SLC49A3: variants seen among roughly 807,000 people sequenced by gnomAD.
SLC49A3 encodes the protein solute carrier family 49 member 3.
SLC49A3 carries 50 observed loss-of-function variants against 43.8 expected under a neutral mutation model. The observed-to-expected ratio is 1.14, with a 90% CI of 0.91 to 1.45. The LOEUF (loss-of-function observed/expected upper bound fraction) is 1.45, where lower values mean the gene tolerates loss of function less well. Among genes scored for constraint, SLC49A3 ranks in the 40% most tolerant of loss-of-function variants. The pLI is 0.00. For synonymous variants in SLC49A3, 413 were observed against 352.0 expected, an observed-to-expected ratio of 1.17 and a Z score of -1.94; for missense variants, 906 against 774.1, an observed-to-expected ratio of 1.17 and a Z score of -2.02.
rs764718296 is a variant in SLC49A3, at chr4:684,790, C to T, written c.652G>A (p.Val218Met). The change falls in exon 5 of 10, where the codon GTG becomes ATG. Residue 218 changes from valine (V) to methionine (M), a missense_variant. By Grantham distance (21) the Val-to-Met change is conservative (BLOSUM62 1). Transcript: ENST00000322224. ...LLSTICLWES[V>M]PPTPPSAGAA... is the part of the protein sequence containing the mutation. ...CCGGCAGAGGGCGGGGTGGGGGGCACACTCTCCCACAGGCAGATGGTGGAC... is the reference window on the plus strand; with the variant it reads ...CCGGCAGAGGGCGGGGTGGGGGGCATACTCTCCCACAGGCAGATGGTGGAC... 1.2e-6 allele frequency: 2 copies of T among 1,612,392 alleles called. No homozygotes were observed. Among genetic ancestry groups the T allele is most frequent in the South Asian group, 2.2e-5 (2 of 91,084 alleles).
At chr4:678,778 T>A, downstream of SLC49A3, 10 of 1,608,320 alleles carry the variant, frequency 6.2e-6, no homozygotes, top group Non-Finnish European at 8.5e-6. Flanking sequence ...GAGACTTTCC[T>A]GCTTCACTGG....
In SLC49A3 at chr4:682,431, G is replaced by C. The variant is rs901120163; in HGVS notation, c.1262-55C>G. On this transcript the variant is annotated intron_variant, in intron 9 of 9. Transcript: ENST00000322224. Reference sequence around the variant, plus strand: ...AGCCAAGCCCAGGGGCCACAGATGGGCAGAGCCCAATGCTGGCCTATGGTG... The same window carrying C: ...AGCCAAGCCCAGGGGCCACAGATGGCCAGAGCCCAATGCTGGCCTATGGTG... 6.9e-6 allele frequency: 9 copies of C among 1,310,334 alleles called. No homozygotes were observed. The South Asian group carries it at 2.6e-4, about 38-fold the overall frequency. 81.2% of individuals were successfully genotyped at this position (1,310,334 alleles called of 1,614,324 possible).
upstream of SLC49A3, among the ~76,000 whole-genome samples, chr4:690,295 C>T (rs949522228): frequency 1.3e-5 from 2 of 151,956 alleles, no homozygotes; most frequent in African/African-American, 2.4e-5. Context: ...TGGGTGGGCC[C>T]CAAGGGGGTT....
At chr4:684,357 C>T in intron 6 of SLC49A3, 126 bp downstream of exon 6, 1 of 1,340,976 alleles carries the variant, frequency 7.5e-7, no homozygotes, top group South Asian at 1.3e-5. Context: ...GGGCCCACAG[C>T]ACAGAAGGGT....
chr4:678,468 C>T (rs1367702463), downstream of SLC49A3: 3 of 1,432,858 alleles, frequency 2.1e-6, no homozygotes, highest in South Asian at 1.5e-5. Context: ...AGCCAGACAC[C>T]TGCAGCCGTC....
downstream of SLC49A3, chr4:678,994 A>G (rs1467347205): frequency 6.2e-7 from 1 of 1,613,818 alleles, no homozygotes; most frequent in Admixed American, 1.7e-5. Context: ...AGATGGCTTC[A>G]TTGACAAGGA....
chr4:687,864 C>T (rs908907440), intron 1 of SLC49A3: 3 of 152,248 alleles, frequency 2.0e-5, no homozygotes, highest in African/African-American at 4.8e-5. Context: ...AGATGAGTAA[C>T]CTCCAGCCTC....
chr4:687,587 C>T (rs180741568), intron 1 of SLC49A3, among the ~76,000 whole-genome samples: 2 of 152,362 alleles, frequency 1.3e-5, no homozygotes, highest in Admixed American at 1.3e-4. Context: ...TCAGCCCTGT[C>T]CTGGTTCCTC....
At chr4:683,906 T>A in intron 6 of SLC49A3, 145 bp from the exon 7 acceptor site, 1 of 1,090,674 alleles carries the variant, frequency 9.2e-7, no homozygotes, top group Non-Finnish European at 1.3e-6. Context: ...CACCGCTGGC[T>A]GCCTGCGGGG....
downstream of SLC49A3, chr4:681,056 G>A (rs1400268758): frequency 3.8e-6 from 6 of 1,570,532 alleles, no homozygotes; most frequent in Non-Finnish European, 5.2e-6. Context: ...CTGCACCCCC[G>A]CATCAGCCCG....
At position 682,644 on chromosome 4, in the gene SLC49A3, C is replaced by T. The variant is rs563370616; in HGVS notation, c.1261+137G>A. 2.3e-5 allele frequency: 16 copies of T among 687,290 alleles called. No individual in the cohort carries two copies. In the East Asian group the frequency reaches 3.1e-4, roughly 13 times the overall value. 42.6% of individuals were successfully genotyped at this position (687,290 alleles called of 1,614,324 possible). A position where few individuals can be genotyped will look rare whatever the true frequency, so the allele number is the denominator to read the frequency against. On this transcript the variant is annotated intron_variant, in intron 9 of 9. Coordinates refer to ENST00000322224, the MANE Select transcript of SLC49A3 (RefSeq NM_032219.4). ...GTCCTGGCTCACCTGTCCTATTGCCCGGGGACTCCCTGCGTGGTGCTCACC... is the reference window on the plus strand; with the variant it reads ...GTCCTGGCTCACCTGTCCTATTGCCTGGGGACTCCCTGCGTGGTGCTCACC...
rs1295864340 is a variant in SLC49A3 at position 681,969 on chromosome 4, C to T, written c.1669G>A (p.Val557Met). Residue 557 changes from valine to methionine, a missense_variant, in exon 10 of 10, where the codon GTG becomes ATG. Coordinates refer to ENST00000322224, the MANE Select transcript of SLC49A3 (RefSeq NM_032219.4). ...GSHSSFSSPW[V>M]IT is the part of the protein sequence containing the mutation. The stretch of plus-strand genomic sequence containing the variant: ...TACAAGGCGCTCAGCTACGTGATCA[C>T]CCACGGGGAGGAGAAGGAGGAGTGA... The T allele has an allele frequency of 6.5e-6, 9 of 1,393,484 alleles. No homozygotes were observed. The highest frequency in any genetic ancestry group is 4.5e-5 in the African/African-American group (3 of 67,032). 86.3% of individuals were successfully genotyped at this position (1,393,484 alleles called of 1,614,324 possible). A position where few individuals can be genotyped will look rare whatever the true frequency, so the allele number is the denominator to read the frequency against.
chr4:678,826 C>T, downstream of SLC49A3: 2 of 1,607,616 alleles, frequency 1.2e-6, no homozygotes, highest in Non-Finnish European at 1.7e-6. Flanking sequence ...GGGAAGACCC[C>T]ATGTGGGCTG....
rs745360855 is a variant in SLC49A3, at chr4:685,363, C to T, written c.585+472G>A. ...TGGGCACAGGAACAGAGACACGCAC[C>T]GCACACACCACACACACTCAATACA... On this transcript the variant is annotated intron_variant, in intron 4 of 9. Coordinates refer to ENST00000322224, the MANE Select transcript of SLC49A3 (RefSeq NM_032219.4). This position sits in a 1 kb window ranked among gnomAD's most constrained non-coding sequence, Gnocchi z 4.3. 2.0e-5 allele frequency among the ~76,000 whole-genome samples: 3 copies of T among 151,778 alleles called. No homozygotes were observed. The highest frequency in any genetic ancestry group is 4.4e-5 in the Non-Finnish European group (3 of 67,920).
At position 688,782 on chromosome 4, in the gene SLC49A3, C is replaced by CG. The variant is rs1741546458; in HGVS notation, c.135+210dup. 7.6e-6 allele frequency: 5 copies of CG among 659,740 alleles called. No individual in the cohort carries two copies. In the South Asian group the frequency reaches 1.4e-4, roughly 19 times the overall value. 40.9% of individuals were successfully genotyped at this position (659,740 alleles called of 1,614,324 possible). A position where few individuals can be genotyped will look rare whatever the true frequency, so the allele number is the denominator to read the frequency against. ...GGGACTCCGTGACTGGCAGATCCCCCGGGGCACCCAGCCCTGCTCTGTGCC... is the reference window on the plus strand; with the variant it reads ...GGGACTCCGTGACTGGCAGATCCCCCGGGGGCACCCAGCCCTGCTCTGTGCC... On this transcript the variant is annotated intron_variant, in intron 1 of 9. Coordinates refer to ENST00000322224, the MANE Select transcript of SLC49A3 (RefSeq NM_032219.4).
In SLC49A3 at chr4:685,655, G is replaced by A. The variant is rs534626444; in HGVS notation, c.585+180C>T. 1.2e-4 allele frequency among the ~76,000 whole-genome samples: 18 copies of A among 152,106 alleles called. No individual in the cohort carries two copies. Among genetic ancestry groups the A allele is most frequent in the African/African-American group, 4.1e-4 (17 of 41,500 alleles). The stretch of plus-strand genomic sequence containing the variant: ...CAGTAGGCGGAGGTTGCAGTGAGCC[G>A]AGATCGCGCCACTGCAATTCAGCCT... On this transcript the variant is annotated intron_variant, in intron 4 of 9. Transcript: ENST00000322224. The surrounding 1 kb of genome is among the most constrained non-coding windows in gnomAD (Gnocchi z 4.3).
downstream of SLC49A3, chr4:680,134 C>A: frequency 9.6e-7 from 1 of 1,042,216 alleles, no homozygotes; most frequent in Non-Finnish European, 1.4e-6. Context: ...TAGGGCCTGG[C>A]ACTCTGGGAG....
chr4:678,853 G>C, downstream of SLC49A3: 1 of 1,607,838 alleles, frequency 6.2e-7, no homozygotes, highest in Non-Finnish European at 8.5e-7. Context: ...GGGCCAGCAG[G>C]AGTGGAAGCC....
At position 682,375 on chromosome 4, in the gene SLC49A3, C is replaced by T; in HGVS notation, c.1263G>A (p.Val421=). The change falls in exon 10 of 10, where the codon GTG becomes GTA. Residue 421 remains valine (V), a splice_region_variant and synonymous_variant. Transcript: ENST00000322224. ...ACAGGCCGGCCATCAGCAGCAGAGA[C>T]ACTGGGGACACATAGCACAGCTGTC... ...QQGEDPLDWT[V]SLLLMAGLCT... is the part of the protein sequence containing the mutation. 2.2e-6 allele frequency: 3 copies of T among 1,334,292 alleles called. No homozygotes were observed. The highest frequency in any genetic ancestry group is 2.5e-5 in the South Asian group (1 of 39,768). The allele number at this position is 1,334,292 out of a possible 1,614,324, so 82.7% of individuals were successfully genotyped here.
Sources: allele counts gnomAD v4.1 joint callset (sites outside exome capture counted in the v4.1 genomes callset), GRCh38; gene constraint gnomAD v4.1.1; non-coding constraint Gnocchi (gnomAD v3.1); transcripts MANE v1.5; gene names NCBI Gene and HGNC (gene_info 2026-07-23, HGNC 2026-07-21).